Variants in HS1BP3 observed in about 807,000 individuals in gnomAD.
The protein encoded by HS1BP3 is HCLS1-binding protein 3.
A neutral mutation model predicts 33.5 loss-of-function variants in HS1BP3; 32 were observed. That is an observed-to-expected ratio of 0.95 (90% CI 0.72 to 1.28). HS1BP3 has a LOEUF of 1.28. HS1BP3 is among the 50% of genes most tolerant of loss of function. The probability of loss-of-function intolerance (pLI) is 0.00; values close to 1 mark genes in which losing one functional copy is unlikely to be tolerated. For missense variants in HS1BP3, 486 were observed against 502.3 expected (o/e 0.97, Z 0.31); for synonymous variants, 187 against 209.2 (o/e 0.89, Z 0.92).
intron 2 of HS1BP3, among the ~76,000 whole-genome samples, chr2:20,610,524 A>G (rs1241166753): frequency 6.6e-6 from 1 of 151,078 alleles, no homozygotes; most frequent in East Asian, 1.9e-4. Flanking sequence ...AGTTTCCTCC[A>G]TATCTTTTCA....
intron 6 of HS1BP3, among the ~76,000 whole-genome samples, chr2:20,621,680 G>A (rs969610648): frequency 6.6e-6 from 1 of 152,238 alleles, no homozygotes; most frequent in African/African-American, 2.4e-5. Context: ...AAATAAAGCA[G>A]CCGCTAGAGG....
chr2:20,643,799 G>A (rs914723750), intron 2 of HS1BP3, among the ~76,000 whole-genome samples: 1 of 152,088 alleles, frequency 6.6e-6, no homozygotes, highest in African/African-American at 2.4e-5. Flanking sequence ...TGGGCATGGT[G>A]GTGTGTGCCT....
chr2:20,628,441 C>A (rs1364419518), intron 4 of HS1BP3, among the ~76,000 whole-genome samples: 3 of 152,078 alleles, frequency 2.0e-5, no homozygotes, highest in Non-Finnish European at 4.4e-5. Context: ...TTGAGACCAG[C>A]CTGGCAAAGA....
intron 2 of HS1BP3, 125 bp from the exon 3 acceptor site, chr2:20,641,305 G>GC (rs1443622038): frequency 3.0e-5 from 22 of 745,724 alleles, no homozygotes; most frequent in Non-Finnish European, 4.7e-5. Context: ...CCCGCCTGCT[G>GC]CCCCTCTGCC....
intron 5 of HS1BP3, among the ~76,000 whole-genome samples, chr2:20,579,393 G>T (rs1054585639): frequency 2.6e-5 from 4 of 152,242 alleles, no homozygotes; most frequent in Non-Finnish European, 4.4e-5. Context: ...CCCAGATCCA[G>T]CCTGATGAGA....
chr2:20,637,979 GT>G (rs1474156327), intron 4 of HS1BP3: 9 of 223,096 alleles, frequency 4.0e-5, no homozygotes, highest in African/African-American at 1.6e-4. Context: ...GGCCAGAGAT[GT>G]ATGGCTGGTG....
intron 2 of HS1BP3, among the ~76,000 whole-genome samples, chr2:20,609,666 G>A (rs1383170849): frequency 6.6e-6 from 1 of 152,176 alleles, no homozygotes; most frequent in African/African-American, 2.4e-5. Context: ...GGACAACACA[G>A]GGTAACTAGA....
At chr2:20,575,570 CCCTGGAGGCCCCG>C (rs1469181396) in intron 5 of HS1BP3, among the ~76,000 whole-genome samples, 2 of 152,278 alleles carry the variant, frequency 1.3e-5, no homozygotes, top group African/African-American at 4.8e-5. Flanking sequence ...CTTGCAGCAT[CCCTGGAGGCCCCG>C]CCACATGCCA....
At chr2:20,582,314 C>T (rs2149276055) in intron 5 of HS1BP3, among the ~76,000 whole-genome samples, 1 of 152,304 alleles carries the variant, frequency 6.6e-6, no homozygotes, top group South Asian at 2.1e-4. Context: ...TTCCAGGGCT[C>T]ACAGCCTCTA....
intron 2 of HS1BP3, chr2:20,606,283 T>A: frequency 2.3e-6 from 1 of 431,290 alleles, no homozygotes; most frequent in Non-Finnish European, 4.6e-6. Context: ...GACCTGTTCA[T>A]GCGTCTTCAC....
intron 4 of HS1BP3, among the ~76,000 whole-genome samples, chr2:20,627,724 C>T (rs1694832068): frequency 1.3e-5 from 2 of 151,766 alleles, no homozygotes; most frequent in South Asian, 4.2e-4. Flanking sequence ...GCCTTCTCTA[C>T]CTCCCCAACT....
intron 6 of HS1BP3, chr2:20,622,042 A>C: frequency 6.4e-6 from 3 of 468,136 alleles, no homozygotes; most frequent in Non-Finnish European, 1.0e-5. Flanking sequence ...CATCTAGACT[A>C]GAGGCCCTGC....
In HS1BP3 at chr2:20,598,539, CTTTTTTTTTTTTTTTTTT is replaced by C. The variant is rs67769731; in HGVS notation, c.179-292_179-275del. Among the ~76,000 whole-genome samples the C allele has an allele frequency of 3.1e-4, 20 of 63,848 alleles. 1 individual carries two copies. Among genetic ancestry groups the C allele is most frequent in the Admixed American group, 9.7e-4 (4 of 4,120 alleles). The allele number at this position is 63,848 out of a possible 152,430, so 41.9% of individuals were successfully genotyped here. On this transcript the variant is annotated intron_variant, in intron 2 of 3. Transcript: ENST00000415264. ...CCTAACAGGCCAGGGACCGGTACTTCTTTTTTTTTTTTTTTTTTTTTTTTTTTTTTTTTTTTTGAGACG... is the reference window on the plus strand; with the variant it reads ...CCTAACAGGCCAGGGACCGGTACTTCTTTTTTTTTTTTTTTTTTTGAGACG...
intron 2 of HS1BP3, among the ~76,000 whole-genome samples, chr2:20,642,537 C>G (rs765175263): frequency 6.6e-6 from 1 of 152,270 alleles, no homozygotes; most frequent in Admixed American, 6.5e-5. Flanking sequence ...GACTCCAGCC[C>G]GGCCCGCAGA....
chr2:20,636,665 G>A (rs1350914645), intron 4 of HS1BP3: 4 of 152,234 alleles, frequency 2.6e-5, no homozygotes, highest in Non-Finnish European at 5.9e-5. Flanking sequence ...TTTTGTATGA[G>A]TTCTGGGAAC....
At chr2:20,622,011 G>A (rs749525377) in intron 6 of HS1BP3, among the ~76,000 whole-genome samples, 15 of 151,774 alleles carry the variant, frequency 9.9e-5, no homozygotes, top group East Asian at 1.9e-4. Flanking sequence ...GGGTTCCTGC[G>A]GAAGACAAGA....
At chr2:20,625,008 G>A (rs1694734466) in intron 4 of HS1BP3, 116 bp from the exon 5 acceptor site, 1 of 1,251,172 alleles carries the variant, frequency 8.0e-7, no homozygotes, top group Admixed American at 1.9e-5. Context: ...CCATGGGCCA[G>A]AAAAGACCAG....
intron 2 of HS1BP3, among the ~76,000 whole-genome samples, chr2:20,605,294 A>C (rs1166303274): frequency 6.6e-6 from 1 of 152,034 alleles, no homozygotes; most frequent in East Asian, 1.9e-4. Context: ...CATGCCTTCC[A>C]TCCTCCACAC....
intron 5 of HS1BP3, among the ~76,000 whole-genome samples, chr2:20,579,010 A>C (rs1308114356): frequency 6.6e-6 from 1 of 152,228 alleles, no homozygotes; most frequent in East Asian, 1.9e-4. Context: ...CAAGCCTCAC[A>C]GGCTGAGCCA....
Sources: gnomAD v4.1 joint callset for allele counts (sites outside exome capture counted in the v4.1 genomes callset) on GRCh38, gnomAD v4.1.1 for gene constraint, MANE v1.5 for transcripts, NCBI Gene and HGNC (gene_info 2026-07-23, HGNC 2026-07-21) for gene names.